The following KANK1 variants were observed in gnomAD, a reference collection of about 807,000 sequenced individuals.
KANK1 encodes the protein KN motif and ankyrin repeat domain-containing protein 1.
KANK1 carries 109 observed loss-of-function variants against 106.2 expected under a neutral mutation model. That is an observed-to-expected ratio of 1.03 (90% CI 0.88 to 1.20). The LOEUF is 1.20. Ranked by LOEUF, KANK1 falls within the 50% of genes most tolerant of loss-of-function variation. KANK1 has a pLI of 0.00. For missense variants in KANK1, 2,399 were observed against 1,710.7 expected, an observed-to-expected ratio of 1.40 and a Z score of -7.10; for synonymous variants, 873 against 652.2, an observed-to-expected ratio of 1.34 and a Z score of -5.16.
At chr9:615,360 A>G (rs1831552468) in intron 1 of KANK1, among the ~76,000 whole-genome samples, 1 of 152,206 alleles carries the variant, frequency 6.6e-6, no homozygotes, top group Admixed American at 6.5e-5. Context: ...ATCTGGCATC[A>G]TATGCTCTTC....
intron 10 of KANK1, among the ~76,000 whole-genome samples, chr9:743,378 C>T (rs1486573201): frequency 1.3e-5 from 2 of 152,196 alleles, no homozygotes. Flanking sequence ...TAGCAGATTC[C>T]CTTCTTCCCC....
chr9:578,696 A>T (rs1288971006), intron 1 of KANK1, among the ~76,000 whole-genome samples: 1 of 152,178 alleles, frequency 6.6e-6, no homozygotes, highest in Admixed American at 6.5e-5. Flanking sequence ...TAAAATAACC[A>T]TTACTAAGTT....
At chr9:485,881 AAAAAAG>A (rs1275418194) in intron 3 of KANK1, among the ~76,000 whole-genome samples, 19 of 151,050 alleles carry the variant, frequency 1.3e-4, no homozygotes, top group South Asian at 2.1e-4. Context: ...AAAAAAAAAA[AAAAAAG>A]AAAAGAAAAA....
At chr9:517,047 T>G (rs1348927639) in intron 1 of KANK1, among the ~76,000 whole-genome samples, 1 of 141,122 alleles carries the variant, frequency 7.1e-6, no homozygotes, top group Non-Finnish European at 1.5e-5. Flanking sequence ...TGTTTTTTGG[T>G]GGGCTCAGAG....
chr9:706,625 T>C (rs1824260842), intron 2 of KANK1, among the ~76,000 whole-genome samples: 1 of 151,484 alleles, frequency 6.6e-6, no homozygotes, highest in South Asian at 2.1e-4. Flanking sequence ...TGGAAAAAGG[T>C]TTGTTTTTCT....
chr9:667,592 C>G (rs1844926673), intron 1 of KANK1, among the ~76,000 whole-genome samples: 1 of 151,966 alleles, frequency 6.6e-6, no homozygotes, highest in Admixed American at 6.5e-5. Flanking sequence ...ACTGTGTTTA[C>G]TGTATCCCAT....
At chr9:594,484 T>C (rs1825749177) in intron 1 of KANK1, among the ~76,000 whole-genome samples, 2 of 151,864 alleles carry the variant, frequency 1.3e-5, no homozygotes, top group African/African-American at 4.9e-5. Context: ...ACTTTGTAAG[T>C]CTCTAAATCC....
At chr9:598,292 G>A (rs1205536258) in intron 1 of KANK1, among the ~76,000 whole-genome samples, 1 of 151,688 alleles carries the variant, frequency 6.6e-6, no homozygotes, top group Non-Finnish European at 1.5e-5. Flanking sequence ...AAATTGAGAA[G>A]TGAGAGTTCT....
chr9:656,436 TGG>T (rs1391078061), intron 1 of KANK1, among the ~76,000 whole-genome samples: 1 of 152,186 alleles, frequency 6.6e-6, no homozygotes, highest in East Asian at 1.9e-4. Context: ...GCTGAGCCAG[TGG>T]TCTTCCCTTT....
intron 1 of KANK1, among the ~76,000 whole-genome samples, chr9:664,675 C>G (rs1290341680): frequency 6.6e-6 from 1 of 152,122 alleles, no homozygotes; most frequent in South Asian, 2.1e-4. Flanking sequence ...GGTTTTCTTT[C>G]TTTTAGAGAA....
rs142330587 is a variant in KANK1, at chr9:731,569, G to C, written c.3005+303G>C. On this transcript the variant is annotated intron_variant, in intron 5 of 11. Coordinates refer to ENST00000382297, the MANE Select transcript of KANK1 (RefSeq NM_015158.5). ...GTTCCTGCACTGTGTTGGACAACTT[G>C]TACTTACCTATACGAGAACTCACAA... 1.0e-3 allele frequency: 188 copies of C among 185,408 alleles called. 1 individual carries two copies. The highest frequency in any genetic ancestry group is 4.3e-3 in the African/African-American group (182 of 42,504). 11.5% of individuals were successfully genotyped at this position (185,408 alleles called of 1,614,324 possible).
chr9:560,900 T>C (rs1197438064), intron 1 of KANK1, among the ~76,000 whole-genome samples: 1 of 152,194 alleles, frequency 6.6e-6, no homozygotes, highest in Admixed American at 6.5e-5. Context: ...ATGGGAGACC[T>C]GGATCAGTAG....
rs1295241624 is a variant in KANK1 at position 713,131 on chromosome 9, G to C, written c.2365G>C (p.Gly789Arg). ...IACGPPQLTVGLTASRRSVGV... is the reference protein window; with the variant it reads ...IACGPPQLTVRLTASRRSVGV... ...TTGTGGGCCACCACAGTTGACTGTG[G>C]GGCTGACAGCCAGCAGAAGGAGCGT... is the stretch of plus-strand genomic sequence containing the variant. The change falls in exon 3 of 12, where the codon GGG becomes CGG. Residue 789 changes from glycine (G) to arginine (R), a missense_variant. Gly to Arg is a moderately radical substitution (Grantham distance 125, BLOSUM62 -2). Transcript: ENST00000382297. 1 of 1,600,010 alleles carries C rather than the reference G, an allele frequency of 6.2e-7. No homozygotes were observed. The highest frequency in any genetic ancestry group is 8.5e-7 in the Non-Finnish European group (1 of 1,171,058).
upstream of KANK1, among the ~76,000 whole-genome samples, chr9:502,311 T>A (rs1194683730): frequency 6.6e-6 from 1 of 152,202 alleles, no homozygotes; most frequent in Non-Finnish European, 1.5e-5. Flanking sequence ...TTATACATTT[T>A]GGGAGTAAAT....
chr9:627,820 A>T (rs1834718324), intron 1 of KANK1, among the ~76,000 whole-genome samples: 1 of 152,214 alleles, frequency 6.6e-6, no homozygotes, highest in African/African-American at 2.4e-5. Context: ...AGCAATAGTG[A>T]TAACCAGCCC....
chr9:598,620 CTTTTTTTTTT>C (rs3028166), intron 1 of KANK1, among the ~76,000 whole-genome samples: 25 of 46,676 alleles, frequency 5.4e-4, no homozygotes, highest in South Asian at 1.3e-3. Context: ...TGTTGGTTTT[CTTTTTTTTTT>C]TTTTTTTTTT....
At chr9:735,797 G>T (rs1269838558) in intron 7 of KANK1, 2 of 387,792 alleles carry the variant, frequency 5.2e-6, no homozygotes, top group Non-Finnish European at 1.1e-5. Context: ...AGTTCGAGAC[G>T]AGCTTAGCCA....
rs535542451 is a variant in KANK1 at position 744,542 on chromosome 9, G to C, written c.3949G>C (p.Ala1317Pro). ...CCTGGAAGCAGGACACAAGGACATC[G>C]CTGTTCTTCTGTATGCCCATGTCAA... ...IALEAGHKDI[A>P]VLLYAHVNFA... The change falls in exon 11 of 12, where the codon GCT (alanine) becomes CCT (proline). Residue 1317 changes from alanine to proline, a missense_variant. Physicochemically the swap from Ala to Pro is conservative, Grantham distance 27. Transcript: ENST00000382297. 9.3e-6 allele frequency: 15 copies of C among 1,614,142 alleles called. No individual in the cohort carries two copies. In the South Asian group the frequency reaches 1.5e-4, roughly 17 times the overall value.
chr9:730,018 T>A (rs1263609175), intron 3 of KANK1, 33 bp from the exon 4 acceptor site: 1 of 1,587,428 alleles, frequency 6.3e-7, no homozygotes. Context: ...AGTCCTAGCA[T>A]CACACACTCT....
Sources: gnomAD v4.1 joint callset for allele counts (sites outside exome capture counted in the v4.1 genomes callset) on GRCh38, gnomAD v4.1.1 for gene constraint, MANE v1.5 for transcripts, NCBI Gene and HGNC (gene_info 2026-07-23, HGNC 2026-07-21) for gene names.